Variants in TRPC4AP observed in about 807,000 individuals in gnomAD.
TRPC4AP encodes transient receptor potential cation channel subfamily C member 4 associated protein.
TRPC4AP carries 45 observed loss-of-function variants against 99.0 expected under a neutral mutation model. The observed-to-expected ratio is 0.45, with a 90% CI of 0.36 to 0.58. TRPC4AP has a LOEUF of 0.58. Among genes scored for constraint, TRPC4AP ranks in the 20% least tolerant of loss-of-function variants. The probability of loss-of-function intolerance (pLI) is 0.00; values close to 1 mark genes in which losing one functional copy is unlikely to be tolerated. For missense variants in TRPC4AP, 879 were observed against 985.3 expected (o/e 0.89, Z 1.44); for synonymous variants, 408 against 385.8 (o/e 1.06, Z -0.67).
chr20:35,034,864 T>G (rs1379621700), intron 8 of TRPC4AP, among the ~76,000 whole-genome samples: 2 of 152,208 alleles, frequency 1.3e-5, no homozygotes, highest in Non-Finnish European at 2.9e-5. Flanking sequence ...TTACTGGTTC[T>G]TGTTAGTCCC....
intron 9 of TRPC4AP, among the ~76,000 whole-genome samples, chr20:35,019,382 G>A (rs1282324728): frequency 6.6e-6 from 1 of 152,122 alleles, no homozygotes; most frequent in African/African-American, 2.4e-5. Flanking sequence ...TAGCAACCTG[G>A]CAACAAGAAG....
intron 3 of TRPC4AP, among the ~76,000 whole-genome samples, chr20:35,068,946 TACACACACAC>T (rs71196783): frequency 8.0e-5 from 9 of 113,184 alleles, no homozygotes; most frequent in Non-Finnish European, 1.7e-4. Flanking sequence ...GGGGAATATT[TACACACACAC>T]ACACACACAC....
chr20:35,010,039 CA>C (rs2082597856), intron 12 of TRPC4AP, 147 bp downstream of exon 12: 1 of 640,226 alleles, frequency 1.6e-6, no homozygotes, highest in East Asian at 2.8e-5. Flanking sequence ...GACATGAATA[CA>C]ATGCCTGGCA....
At chr20:35,045,080 T>C (rs1173364001) in intron 6 of TRPC4AP, among the ~76,000 whole-genome samples, 1 of 152,206 alleles carries the variant, frequency 6.6e-6, no homozygotes, top group Non-Finnish European at 1.5e-5. Context: ...ATTTGCTTTT[T>C]TAAAAAATAA....
intron 9 of TRPC4AP, among the ~76,000 whole-genome samples, chr20:35,019,184 G>T (rs1428323881): frequency 6.6e-6 from 1 of 152,174 alleles, no homozygotes; most frequent in Non-Finnish European, 1.5e-5. Context: ...GTGTAGGCAG[G>T]ATCTGGGAAT....
intron 1 of TRPC4AP, among the ~76,000 whole-genome samples, chr20:35,086,433 GT>G (rs2084852205): frequency 1.1e-4 from 1 of 8,756 alleles, no homozygotes. Context: ...AATGGCATAT[GT>G]GTGTGTGTGT....
chr20:35,008,845 G>T, intron 12 of TRPC4AP, 98 bp from the exon 13 acceptor site: 1 of 1,137,700 alleles, frequency 8.8e-7, no homozygotes, highest in East Asian at 2.4e-5. Context: ...AAACCATGGG[G>T]ACATTTCCAA....
intron 6 of TRPC4AP, among the ~76,000 whole-genome samples, chr20:35,047,822 G>T (rs1389621131): frequency 6.6e-6 from 1 of 152,158 alleles, no homozygotes; most frequent in East Asian, 1.9e-4. Context: ...CTAGGACTGA[G>T]CTTCCCCACA....
chr20:35,010,176 C>T lies in TRPC4AP; in HGVS notation c.1511+11G>A, dbSNP rs766940341. The stretch of plus-strand genomic sequence containing the variant: ...GATGGGCTGAGGGAAAAGCTGCACC[C>T]CTGCACTCACCTGTCGGTGTTGAGG... On this transcript the variant is annotated intron_variant, in intron 12 of 18. Coordinates refer to ENST00000252015, the MANE Select transcript of TRPC4AP (RefSeq NM_015638.3). The T allele has an allele frequency of 4.3e-6, 7 of 1,613,248 alleles. No homozygotes were observed. The highest frequency in any genetic ancestry group is 1.3e-5 in the African/African-American group (1 of 74,904).
In TRPC4AP at chr20:35,005,867, G is replaced by C. The variant is rs962628333; in HGVS notation, c.1828-64C>G. On this transcript the variant is annotated intron_variant, in intron 15 of 18. Coordinates refer to ENST00000252015, the MANE Select transcript of TRPC4AP (RefSeq NM_015638.3). ...TGGCCAGGTATGGCCATGGCCCGGG[G>C]GGATAGTCACTACAAGGGGCATCAG... 7.4e-5 allele frequency: 110 copies of C among 1,483,572 alleles called. No individual in the cohort carries two copies. In the African/African-American group the frequency reaches 1.4e-3, roughly 19 times the overall value. The allele number at this position is 1,483,572 out of a possible 1,614,324, so 91.9% of individuals were successfully genotyped here. A position where few individuals can be genotyped will look rare whatever the true frequency, so the allele number is the denominator to read the frequency against.
rs2084248432 is a variant in TRPC4AP, at chr20:35,069,499, A to G, written c.298-87T>C. The G allele has an allele frequency of 5.7e-5, 47 of 826,136 alleles. No homozygotes were observed. The South Asian group carries it at 6.6e-4, about 12-fold the overall frequency. 51.2% of individuals were successfully genotyped at this position (826,136 alleles called of 1,614,324 possible). A position where few individuals can be genotyped will look rare whatever the true frequency, so the allele number is the denominator to read the frequency against. On this transcript the variant is annotated intron_variant, in intron 2 of 18. Transcript: ENST00000252015. ...AGCATCAGTTTGAGCTTTAGTCCCA[A>G]CTGGAGTTCCCATGAACACAAAGAC...
At chr20:35,083,929 A>C (rs1239401927) in intron 1 of TRPC4AP, among the ~76,000 whole-genome samples, 2 of 151,940 alleles carry the variant, frequency 1.3e-5, no homozygotes, top group African/African-American at 4.8e-5. Flanking sequence ...GCTAAACTGC[A>C]GTAGGGGAAT....
chr20:35,070,655 C>G (rs556804656), intron 2 of TRPC4AP, among the ~76,000 whole-genome samples: 5 of 152,204 alleles, frequency 3.3e-5, no homozygotes, highest in Non-Finnish European at 2.9e-5. Context: ...GCCTCGGCCT[C>G]CCAGAGTGCT....
chr20:35,088,117 C>T (rs2084938375), intron 1 of TRPC4AP, among the ~76,000 whole-genome samples: 1 of 152,228 alleles, frequency 6.6e-6, no homozygotes, highest in African/African-American at 2.4e-5. Flanking sequence ...ACAATACAAG[C>T]TAATCTTTAT....
chr20:35,023,890 C>T (rs946273788), intron 8 of TRPC4AP, among the ~76,000 whole-genome samples: 4 of 152,362 alleles, frequency 2.6e-5, no homozygotes, highest in East Asian at 3.9e-4. Flanking sequence ...CAAGTCACCA[C>T]CAACTTTTGG....
chr20:35,035,353 A>G, intron 7 of TRPC4AP, 45 bp from the exon 8 acceptor site: 2 of 1,587,696 alleles, frequency 1.3e-6, no homozygotes, highest in Non-Finnish European at 8.6e-7. Flanking sequence ...AATAGAGACC[A>G]GCAAAACTAC....
chr20:35,064,247 C>T (rs1171928483), intron 3 of TRPC4AP, among the ~76,000 whole-genome samples: 22 of 152,224 alleles, frequency 1.4e-4, no homozygotes, highest in Admixed American at 1.4e-3. Context: ...TCCTTAGCCC[C>T]TTCTAGCTAT....
chr20:35,026,912 C>T (rs1296594894), intron 8 of TRPC4AP, among the ~76,000 whole-genome samples: 1 of 152,030 alleles, frequency 6.6e-6, no homozygotes, highest in African/African-American at 2.4e-5. Context: ...TATTCTGAAC[C>T]TTTGTTGAAC....
intron 2 of TRPC4AP, among the ~76,000 whole-genome samples, chr20:35,076,937 G>C (rs2084495531): frequency 6.6e-6 from 1 of 152,148 alleles, no homozygotes; most frequent in Non-Finnish European, 1.5e-5. Flanking sequence ...CGGCCGCTTT[G>C]TTTACCTACG....
Sources: allele counts gnomAD v4.1 joint callset (sites outside exome capture counted in the v4.1 genomes callset), GRCh38; gene constraint gnomAD v4.1.1; transcripts MANE v1.5; gene names NCBI Gene and HGNC (gene_info 2026-07-23, HGNC 2026-07-21).